TES: variants seen among roughly 807,000 people sequenced by gnomAD.
The protein encoded by TES is testin.
TES carries 41 observed loss-of-function variants against 48.2 expected under a neutral mutation model. The ratio of observed to expected loss-of-function variants is 0.85; its 90% CI spans 0.66 to 1.10. The LOEUF is 1.10. Ranked by LOEUF, TES falls within the 50% of genes least tolerant of loss-of-function variation. The probability of loss-of-function intolerance (pLI) is 0.00; values close to 1 mark genes in which losing one functional copy is unlikely to be tolerated. For missense variants in TES, 463 were observed against 515.1 expected (o/e 0.90, Z 0.98); for synonymous variants, 162 against 174.9 (o/e 0.93, Z 0.58).
intron 1 of TES, among the ~76,000 whole-genome samples, chr7:116,221,097 T>G (rs999814202): frequency 5.3e-5 from 8 of 152,166 alleles, no homozygotes; most frequent in African/African-American, 1.9e-4. Context: ...GTTCGATAAC[T>G]GGGGGATATA....
chr7:116,256,380 A>G (rs1308922042), intron 6 of TES, among the ~76,000 whole-genome samples: 1 of 152,218 alleles, frequency 6.6e-6, no homozygotes, highest in African/African-American at 2.4e-5. Context: ...TCACTGTGAT[A>G]CCAGACAGTC....
At position 116,250,267 on chromosome 7, in the gene TES, ACCAGGAC is replaced by A; in HGVS notation, c.476_482del (p.Gln159LeufsTer12). 6.2e-7 allele frequency: 1 copy of A among 1,613,434 alleles called. No individual in the cohort carries two copies. Among genetic ancestry groups the A allele is most frequent in the Non-Finnish European group, 8.5e-7 (1 of 1,179,704 alleles). The stretch of plus-strand genomic sequence containing the variant: ...CTGGCAAAGCAGCTCCCTGCACATG[ACCAGGAC>A]CCTTCAAAGTGCCATGAGTTGTCTC... On this transcript the variant is annotated frameshift_variant, in exon 4 of 7. Transcript: ENST00000358204. LOFTEE classifies it high-confidence loss of function.
At chr7:116,253,430 T>G (rs1232953763) in intron 6 of TES, among the ~76,000 whole-genome samples, 4 of 152,210 alleles carry the variant, frequency 2.6e-5, no homozygotes, top group South Asian at 2.1e-4. Flanking sequence ...CCTTTTTTTT[T>G]GTTGTTATTT....
At position 116,252,295 on chromosome 7, in the gene TES, CTTTATT is replaced by C; in HGVS notation, c.919-17_919-12del. 1 of 1,587,914 alleles carries C rather than the reference CTTTATT, an allele frequency of 6.3e-7. No individual in the cohort carries two copies. Among genetic ancestry groups the C allele is most frequent in the Non-Finnish European group, 8.6e-7 (1 of 1,162,638 alleles). On this transcript the variant is annotated splice_polypyrimidine_tract_variant and intron_variant, in intron 5 of 6. Coordinates refer to ENST00000358204, the MANE Select transcript of TES (RefSeq NM_015641.4). ...AATCTCTTATTATATAAAAATCCAT[CTTTATT>C]TTTATCTTCTTCCTAGCTGATATTC...
intron 2 of TES, among the ~76,000 whole-genome samples, chr7:116,244,689 C>G (rs1170264861): frequency 6.6e-6 from 1 of 152,192 alleles, no homozygotes; most frequent in Non-Finnish European, 1.5e-5. Flanking sequence ...TGTGGGGACT[C>G]TGTGTGGGGG....
chr7:116,217,206 T>G (rs1799504236), intron 1 of TES, among the ~76,000 whole-genome samples: 1 of 152,176 alleles, frequency 6.6e-6, no homozygotes, highest in Non-Finnish European at 1.5e-5. Context: ...ATCCCTGGGC[T>G]TGATTCTTGG....
chr7:116,249,505 GTTC>G, intron 3 of TES: 1 of 466,928 alleles, frequency 2.1e-6, no homozygotes, highest in Non-Finnish European at 3.8e-6. Flanking sequence ...ATGGTCTAAC[GTTC>G]TTAATAATTA....
intron 6 of TES, among the ~76,000 whole-genome samples, chr7:116,256,316 T>C (rs1800097913): frequency 6.6e-6 from 1 of 152,024 alleles, no homozygotes; most frequent in Non-Finnish European, 1.5e-5. Context: ...CCACCCCTTA[T>C]CCCTCAGTAA....
chr7:116,217,005 T>A (rs2116571670), intron 1 of TES, among the ~76,000 whole-genome samples: 1 of 152,280 alleles, frequency 6.6e-6, no homozygotes, highest in South Asian at 2.1e-4. Flanking sequence ...TTCTAGACTC[T>A]GGGGTTATAG....
intron 6 of TES, among the ~76,000 whole-genome samples, chr7:116,254,756 ATATGTGTGTGTGTGTGTG>A (rs1165444557): frequency 3.5e-5 from 5 of 143,174 alleles, no homozygotes; most frequent in Admixed American, 7.0e-5. Flanking sequence ...AAATATATAT[ATATGTGTGTGTGTGTGTG>A]TGTGTGTGTG....
chr7:116,222,661 C>T (rs1799570529), intron 1 of TES: 1 of 152,168 alleles, frequency 6.6e-6, no homozygotes, highest in Admixed American at 6.6e-5. Flanking sequence ...CAAAGCAGCT[C>T]TCTGTGGGAT....
At chr7:116,251,631 C>T (rs1275809869) in intron 4 of TES, 129 bp from the exon 5 acceptor site, 12 of 838,316 alleles carry the variant, frequency 1.4e-5, no homozygotes, top group Non-Finnish European at 1.9e-5. Flanking sequence ...TGCAATGAGC[C>T]GAGATAGCAC....
At chr7:116,234,931 C>CTGTT (rs1180097482) in intron 2 of TES, among the ~76,000 whole-genome samples, 2 of 151,962 alleles carry the variant, frequency 1.3e-5, no homozygotes, top group African/African-American at 4.8e-5. Flanking sequence ...TCCTCCAGGA[C>CTGTT]TGTTTAATAA....
intron 6 of TES, among the ~76,000 whole-genome samples, chr7:116,256,446 A>G (rs1299006123): frequency 1.3e-5 from 2 of 152,254 alleles, no homozygotes; most frequent in African/African-American, 2.4e-5. Flanking sequence ...TAAGACAGCC[A>G]TATTCATTCA....
chr7:116,228,998 C>CTATATATATATATATATATATA (rs58514364), intron 1 of TES, among the ~76,000 whole-genome samples: 26 of 110,134 alleles, frequency 2.4e-4, no homozygotes, highest in East Asian at 1.1e-3. Context: ...GTATCTATAA[C>CTATATATATATATATATATATA]TATATATATA....
intron 2 of TES, 117 bp from the exon 3 acceptor site, chr7:116,248,903 G>T: frequency 3.8e-6 from 4 of 1,042,892 alleles, no homozygotes; most frequent in Admixed American, 3.1e-5. Context: ...AAAAGGACTT[G>T]CCTTTGCATA....
At chr7:116,249,883 T>C (rs565409110) in intron 3 of TES, 2 of 286,160 alleles carry the variant, frequency 7.0e-6, no homozygotes, top group South Asian at 3.3e-4. Flanking sequence ...CTTTCAATTG[T>C]ACATTTGTTT....
chr7:116,222,336 A>G (rs996363973), intron 1 of TES, among the ~76,000 whole-genome samples: 6 of 152,090 alleles, frequency 3.9e-5, no homozygotes, highest in African/African-American at 1.4e-4. Flanking sequence ...ATTACTCTCT[A>G]GGTTTCCTTG....
At chr7:116,240,879 A>G (rs1433470453) in intron 2 of TES, among the ~76,000 whole-genome samples, 1 of 152,218 alleles carries the variant, frequency 6.6e-6, no homozygotes, top group African/African-American at 2.4e-5. Context: ...AAATCTATAT[A>G]TATCATCAGA....
Sources: gnomAD v4.1 joint callset for allele counts (sites outside exome capture counted in the v4.1 genomes callset) on GRCh38, gnomAD v4.1.1 for gene constraint, MANE v1.5 for transcripts, NCBI Gene and HGNC (gene_info 2026-07-23, HGNC 2026-07-21) for gene names.